Variants in HEMK2 observed in about 807,000 individuals in gnomAD.
The protein encoded by HEMK2 is methyltransferase HEMK2.
At chr21:28,767,519 C>A in the HEMK2 span, among the ~76,000 whole-genome samples, 1 of 151,878 alleles carries the variant, frequency 6.6e-6, no homozygotes, top group African/African-American at 2.4e-5. Flanking sequence ...TGCATATAAA[C>A]CTATCTGATA....
At chr21:28,624,143 T>C in the HEMK2 span, among the ~76,000 whole-genome samples, 15 of 152,296 alleles carry the variant, frequency 9.8e-5, no homozygotes, top group African/African-American at 3.6e-4. Flanking sequence ...AACTGGAATG[T>C]ATGAGCCATT....
chr21:28,685,944 G>A, the HEMK2 span, among the ~76,000 whole-genome samples: 1 of 152,178 alleles, frequency 6.6e-6, no homozygotes, highest in Non-Finnish European at 1.5e-5. Flanking sequence ...TTCAGGTGTT[G>A]GCTGAAACAA....
At chr21:28,630,421 G>T in the HEMK2 span, among the ~76,000 whole-genome samples, 1 of 152,056 alleles carries the variant, frequency 6.6e-6, no homozygotes, top group African/African-American at 2.4e-5. Context: ...CAGCCATCCC[G>T]TTACTGGGTA....
the HEMK2 span, among the ~76,000 whole-genome samples, chr21:28,656,326 G>A: frequency 2.6e-5 from 4 of 152,062 alleles, no homozygotes; most frequent in South Asian, 2.1e-4. Context: ...AACCACTAAC[G>A]GCTTGTGGAG....
At chr21:28,707,256 A>AT in the HEMK2 span, among the ~76,000 whole-genome samples, 23,115 of 140,056 alleles carry the variant, frequency 0.17, 2,191 homozygotes, top group Middle Eastern at 0.27. Context: ...CACAATTTTA[A>AT]TTTTTTTTTT....
chr21:28,699,281 A>G, the HEMK2 span, among the ~76,000 whole-genome samples: 84,601 of 152,098 alleles, frequency 0.56, 26,198 homozygotes, highest in East Asian at 0.84. Flanking sequence ...ATTTCTTACC[A>G]TTCTGGATGC....
At chr21:28,761,501 A>G in the HEMK2 span, among the ~76,000 whole-genome samples, 6 of 152,126 alleles carry the variant, frequency 3.9e-5, no homozygotes, top group East Asian at 5.8e-4. Flanking sequence ...TAAAAATCGG[A>G]TGACCTGAAG....
chr21:28,607,694 T>G, the HEMK2 span, among the ~76,000 whole-genome samples: 1 of 152,216 alleles, frequency 6.6e-6, no homozygotes, highest in African/African-American at 2.4e-5. Context: ...ATAACCACTA[T>G]GCATATTACC....
At chr21:28,875,843 T>C in the HEMK2 span, 1 of 152,254 alleles carries the variant, frequency 6.6e-6, no homozygotes, top group Non-Finnish European at 1.5e-5. Flanking sequence ...ATTTATTTCC[T>C]ACCCTCTGAT....
chr21:28,831,686 G>A, the HEMK2 span, among the ~76,000 whole-genome samples: 408 of 45,280 alleles, frequency 9.0e-3, 2 homozygotes, highest in Middle Eastern at 0.021. Context: ...AAAGAAAGAA[G>A]GAAGGAAGGA....
At chr21:28,869,170 C>A in the HEMK2 span, among the ~76,000 whole-genome samples, 4 of 152,062 alleles carry the variant, frequency 2.6e-5, no homozygotes, top group African/African-American at 9.7e-5. Flanking sequence ...TCCTAGTTTG[C>A]CAAGTGTATT....
chr21:28,597,251 G>A, the HEMK2 span, among the ~76,000 whole-genome samples: 1 of 152,176 alleles, frequency 6.6e-6, no homozygotes, highest in Non-Finnish European at 1.5e-5. Flanking sequence ...AAAATAAAAA[G>A]AATGACATTT....
the HEMK2 span, among the ~76,000 whole-genome samples, chr21:28,818,991 T>C: frequency 6.6e-6 from 1 of 152,224 alleles, no homozygotes; most frequent in Non-Finnish European, 1.5e-5. Flanking sequence ...TTGTTTTCAA[T>C]GTTCTTCCTC....
the HEMK2 span, among the ~76,000 whole-genome samples, chr21:28,854,471 C>T: frequency 6.6e-6 from 1 of 151,596 alleles, no homozygotes; most frequent in Non-Finnish European, 1.5e-5. Flanking sequence ...TCTAGAGGGA[C>T]AGAATGGAAT....
the HEMK2 span, among the ~76,000 whole-genome samples, chr21:28,808,145 A>G: frequency 6.6e-6 from 1 of 152,114 alleles, no homozygotes; most frequent in Non-Finnish European, 1.5e-5. Context: ...AAAAGGGCAG[A>G]ATCTAAATTG....
chr21:28,652,729 C>T, the HEMK2 span, among the ~76,000 whole-genome samples: 2 of 150,530 alleles, frequency 1.3e-5, no homozygotes, highest in Non-Finnish European at 3.0e-5. Context: ...TGAGGTTTAG[C>T]CTTCTTAAGA....
chr21:28,639,616 C>T, the HEMK2 span, among the ~76,000 whole-genome samples: 2 of 152,062 alleles, frequency 1.3e-5, no homozygotes, highest in Non-Finnish European at 2.9e-5. Flanking sequence ...GATTTTATAA[C>T]CAAAAAGTCT....
chr21:28,763,108 C>A, the HEMK2 span, among the ~76,000 whole-genome samples: 2 of 152,088 alleles, frequency 1.3e-5, no homozygotes, highest in African/African-American at 4.8e-5. Flanking sequence ...CCTTTTCCAC[C>A]AATGGGACAC....
At chr21:28,647,034 C>A in the HEMK2 span, among the ~76,000 whole-genome samples, 1 of 152,142 alleles carries the variant, frequency 6.6e-6, no homozygotes, top group Non-Finnish European at 1.5e-5. Context: ...GATATTGTCG[C>A]TGCCATCTTT....
Sources: allele counts gnomAD v4.1 joint callset (sites outside exome capture counted in the v4.1 genomes callset), GRCh38; gene constraint gnomAD v4.1.1; transcripts MANE v1.5; gene names NCBI Gene and HGNC (gene_info 2026-07-23, HGNC 2026-07-21).